Variants in LTBP2 observed in about 807,000 individuals in gnomAD.
LTBP2 encodes the protein latent transforming growth factor beta binding protein 2.
A neutral mutation model predicts 210.6 loss-of-function variants in LTBP2; 103 were observed. That is an observed-to-expected ratio of 0.49 (90% CI 0.42 to 0.58). The LOEUF (loss-of-function observed/expected upper bound fraction) is 0.58. Ranked by LOEUF, LTBP2 falls within the 20% of genes least tolerant of loss-of-function variation. The pLI is 0.00. For synonymous variants in LTBP2, 1,007 were observed against 1,015.0 expected (o/e 0.99, Z 0.15); for missense variants, 2,313 against 2,494.5 (o/e 0.93, Z 1.55).
At chr14:74,517,055 C>A (rs1187780296) in intron 17 of LTBP2, 114 bp from the exon 18 acceptor site, 1 of 1,386,460 alleles carries the variant, frequency 7.2e-7, no homozygotes, top group African/African-American at 1.4e-5. Context: ...CATGCTGAGG[C>A]CTGGGCAGGG....
intron 27 of LTBP2, 28 bp from the exon 28 acceptor site, chr14:74,506,219 G>T: frequency 6.2e-7 from 1 of 1,613,958 alleles, no homozygotes; most frequent in Non-Finnish European, 8.5e-7. Flanking sequence ...AGGCTCGTGG[G>T]CAGAAAAGAG....
In LTBP2 at chr14:74,526,059, A is replaced by G. The variant is rs1371165984; in HGVS notation, c.2428+16T>C. 9 of 1,600,298 alleles carry G rather than the reference A, an allele frequency of 5.6e-6. No individual in the cohort carries two copies. The East Asian group carries it at 2.0e-4, about 36-fold the overall frequency. On this transcript the variant is annotated intron_variant, in intron 14 of 35. Coordinates refer to ENST00000261978, the MANE Select transcript of LTBP2 (RefSeq NM_000428.3). ...CCTTCTCTTTTGCCTAGGAGCCGCCAGGAAGAGGGACTCACCTGTGACCCA... is the reference window on the plus strand; with the variant it reads ...CCTTCTCTTTTGCCTAGGAGCCGCCGGGAAGAGGGACTCACCTGTGACCCA...
At chr14:74,607,852 T>G (rs2088548672) in intron 1 of LTBP2, among the ~76,000 whole-genome samples, 1 of 152,032 alleles carries the variant, frequency 6.6e-6, no homozygotes, top group Admixed American at 6.5e-5. Context: ...TAGAGGAAAT[T>G]TCAACTAAAA....
Position 74,575,892 on chromosome 14 carries a change from C to T in LTBP2, c.830+9962G>A, listed in dbSNP as rs564345219. Reference sequence around the variant, plus strand: ...TGGCTGGAGGCCTACAGTGAGCATTCCCCTTCTTCCTAACCCCTCTGAGCC... The same window carrying T: ...TGGCTGGAGGCCTACAGTGAGCATTTCCCTTCTTCCTAACCCCTCTGAGCC... On this transcript the variant is annotated intron_variant, in intron 3 of 35. Coordinates refer to ENST00000261978, the MANE Select transcript of LTBP2 (RefSeq NM_000428.3). Among the ~76,000 whole-genome samples, 7 of 152,340 alleles carry T rather than the reference C, an allele frequency of 4.6e-5. No homozygotes were observed. In the South Asian group the frequency reaches 1.0e-3, roughly 23 times the overall value.
chr14:74,531,582 T>C (rs2087351235), intron 10 of LTBP2, among the ~76,000 whole-genome samples: 1 of 152,220 alleles, frequency 6.6e-6, no homozygotes, highest in African/African-American at 2.4e-5. Flanking sequence ...GTTCAGCCTC[T>C]GGGTGGCACT....
intron 31 of LTBP2, 116 bp downstream of exon 31, chr14:74,503,810 G>A: frequency 3.4e-6 from 5 of 1,478,972 alleles, no homozygotes; most frequent in Non-Finnish European, 4.6e-6. Flanking sequence ...GCTGCAGTGG[G>A]CGGCCTCCCT....
intron 8 of LTBP2, among the ~76,000 whole-genome samples, chr14:74,538,000 C>G (rs557323231): frequency 3.9e-5 from 6 of 152,324 alleles, no homozygotes; most frequent in African/African-American, 1.4e-4. Context: ...GGTGATCCGC[C>G]TGCTTTGGCC....
At chr14:74,519,768 C>T (rs1337066507) in intron 17 of LTBP2, among the ~76,000 whole-genome samples, 1 of 152,200 alleles carries the variant, frequency 6.6e-6, no homozygotes, top group Non-Finnish European at 1.5e-5. Flanking sequence ...GTGGCAGAAA[C>T]TTGTGTCTGC....
chr14:74,533,308 C>T (rs944833038), intron 9 of LTBP2, among the ~76,000 whole-genome samples: 8 of 152,202 alleles, frequency 5.3e-5, no homozygotes, highest in Non-Finnish European at 1.0e-4. Flanking sequence ...GCCAGGTCAC[C>T]CACTGGTTTG....
intron 1 of LTBP2, among the ~76,000 whole-genome samples, 188 bp downstream of exon 1, chr14:74,611,263 T>C (rs2088603205): frequency 6.6e-6 from 1 of 152,226 alleles, no homozygotes. Flanking sequence ...TCTATCTGCC[T>C]TCAACTCTTC....
intron 18 of LTBP2, among the ~76,000 whole-genome samples, chr14:74,512,510 C>G (rs891814795): frequency 6.6e-6 from 1 of 152,140 alleles, no homozygotes; most frequent in African/African-American, 2.4e-5. Context: ...TGCTGCTGGA[C>G]ATGGAGAGGA....
chr14:74,525,279 C>A (rs1029443935), intron 14 of LTBP2, 54 bp from the exon 15 acceptor site: 26 of 1,021,710 alleles, frequency 2.5e-5, no homozygotes, highest in Non-Finnish European at 3.4e-5. Flanking sequence ...CTGGCCATGG[C>A]CCTTCCCTCT....
Position 74,504,047 on chromosome 14 carries a change from A to T in LTBP2, c.4461T>A (p.Asp1487Glu). 1 of 1,613,922 alleles carries T rather than the reference A, an allele frequency of 6.2e-7. No individual in the cohort carries two copies. The highest frequency in any genetic ancestry group is 8.5e-7 in the Non-Finnish European group (1 of 1,179,968). The stretch of plus-strand genomic sequence containing the variant: ...GACCAGGCCCGAATATCACACACTC[A>T]TCCGCATCTGTGGAAGGCAGAGCTG... The part of the protein sequence containing the change: ...TFGQTMYTDA[D>E]ECVIFGPGLC... Residue 1487 changes from aspartate to glutamate, a missense_variant, in exon 31 of 36, where the codon GAT becomes GAA. By Grantham distance (45) the Asp-to-Glu change is conservative. This residue lies in a region of LTBP2 where 443 missense variants were observed against 501.4 expected (regional missense o/e 0.88). Transcript: ENST00000261978.
chr14:74,515,352 G>T (rs921710554), intron 18 of LTBP2, among the ~76,000 whole-genome samples: 2 of 150,986 alleles, frequency 1.3e-5, no homozygotes, highest in Non-Finnish European at 2.9e-5. Flanking sequence ...CACGTCCTGG[G>T]TTCAAGTGAT....
intron 33 of LTBP2, 125 bp downstream of exon 33, chr14:74,503,094 G>T: frequency 6.6e-7 from 1 of 1,507,536 alleles, no homozygotes; most frequent in Non-Finnish European, 9.1e-7. Flanking sequence ...TCCCCAAACA[G>T]CAGGGATGGA....
In LTBP2 at chr14:74,551,133, T is replaced by C. The variant is rs1216460894; in HGVS notation, c.1617A>G (p.Pro539=). 6.2e-7 allele frequency: 1 copy of C among 1,613,842 alleles called. No homozygotes were observed. Among genetic ancestry groups the C allele is most frequent in the South Asian group, 1.1e-5 (1 of 91,078 alleles). ...IPARSGEPPR[P]LPPAAPRPRG... is the part of the protein sequence containing the mutation. ...GAGGCCTGGGTGCTGCTGGGGGCAG[T>C]GGCCGAGGGGGCTCTCCAGACCGAG... The change falls in exon 7 of 36, where the codon CCA becomes CCG. Residue 539 remains proline (P), a synonymous_variant. Coordinates refer to ENST00000261978, the MANE Select transcript of LTBP2 (RefSeq NM_000428.3).
chr14:74,587,105 A>G (rs141435571), intron 2 of LTBP2, among the ~76,000 whole-genome samples: 182 of 152,228 alleles, frequency 1.2e-3, no homozygotes, highest in African/African-American at 4.1e-3. Context: ...GGAACATTCC[A>G]CGCAGAGGCA....
At position 74,503,479 on chromosome 14, in the gene LTBP2, G is replaced by C; in HGVS notation, c.4710C>G (p.Thr1570=). ...DLSQQRCMNS[T]SSTEDLPDHD... ...CTCAGGCCCACTCACCCGTGCTGCTGGTGCTGTTCATGCAGCGCTGCTGGC... is the reference window on the plus strand; with the variant it reads ...CTCAGGCCCACTCACCCGTGCTGCTCGTGCTGTTCATGCAGCGCTGCTGGC... The change falls in exon 32 of 36, where the codon ACC becomes ACG. Residue 1570 remains threonine (T), a synonymous_variant. Transcript: ENST00000261978. The C allele has an allele frequency of 6.2e-7, 1 of 1,611,782 alleles. No individual in the cohort carries two copies. The highest frequency in any genetic ancestry group is 1.3e-5 in the African/African-American group (1 of 75,018).
chr14:74,504,688 G>T, intron 30 of LTBP2, 90 bp downstream of exon 30: 2 of 1,276,632 alleles, frequency 1.6e-6, no homozygotes, highest in Non-Finnish European at 2.3e-6. Flanking sequence ...GGCCAGGGCT[G>T]GATGCAGAAC....
Sources: allele counts gnomAD v4.1 joint callset (sites outside exome capture counted in the v4.1 genomes callset), GRCh38; gene constraint gnomAD v4.1.1; regional missense constraint gnomAD v4.1.1; transcripts MANE v1.5; gene names NCBI Gene and HGNC (gene_info 2026-07-23, HGNC 2026-07-21).